The following RPS6KA1 variants were observed in gnomAD, a reference collection of about 807,000 sequenced individuals.
RPS6KA1 encodes the protein ribosomal protein S6 kinase A1.
RPS6KA1 carries 48 observed loss-of-function variants against 91.3 expected under a neutral mutation model. The observed-to-expected ratio is 0.53, with a 90% CI of 0.42 to 0.67. RPS6KA1 has a LOEUF of 0.67. RPS6KA1 is among the 30% of genes least tolerant of loss of function. The pLI is 0.00. For synonymous variants in RPS6KA1, 359 were observed against 384.7 expected, an observed-to-expected ratio of 0.93 and a Z score of 0.78; for missense variants, 719 against 960.5, an observed-to-expected ratio of 0.75 and a Z score of 3.32.
chr1:26,557,889 C>T (rs985831617), intron 13 of RPS6KA1, among the ~76,000 whole-genome samples: 7 of 150,248 alleles, frequency 4.7e-5, no homozygotes, highest in Non-Finnish European at 3.0e-5. Flanking sequence ...AATGCAATGG[C>T]GTGATCTCAG....
At position 26,542,885 on chromosome 1, in the gene RPS6KA1, G is replaced by A. The variant is rs568733400; in HGVS notation, c.109-3982G>A. Among the ~76,000 whole-genome samples the A allele has an allele frequency of 5.1e-4, 77 of 152,270 alleles. No homozygotes were observed. The Middle Eastern group carries it at 0.01, about 20-fold the overall frequency. ...ATGCCCACTGTGACACTGCGTTATC[G>A]CCTTGTGACTTTTGTCTCTGCTCTT... On this transcript the variant is annotated intron_variant, in intron 2 of 21. Transcript: ENST00000374168.
chr1:26,572,114 GCAGCCC>G, intron 19 of RPS6KA1, 56 bp from the exon 20 acceptor site: 1 of 1,442,758 alleles, frequency 6.9e-7, no homozygotes, highest in Non-Finnish European at 9.8e-7. Context: ...GTCTCCCACC[GCAGCCC>G]CAGCCCCAGT....
Position 26,551,772 on chromosome 1 carries a change from G to A in RPS6KA1, c.468+49G>A, listed in dbSNP as rs200804354. ...GGGCCCCGGGATGGAGCTGAGGGACGACAAGTCCTCCCATCCCAGGGCCCT... is the reference window on the plus strand; with the variant it reads ...GGGCCCCGGGATGGAGCTGAGGGACAACAAGTCCTCCCATCCCAGGGCCCT... On this transcript the variant is annotated intron_variant, in intron 6 of 21. Coordinates refer to ENST00000374168, the MANE Select transcript of RPS6KA1 (RefSeq NM_002953.4). The surrounding 1 kb of genome is among the most constrained non-coding windows in gnomAD (Gnocchi z 4.5). 27 of 1,492,404 alleles carry A rather than the reference G, an allele frequency of 1.8e-5. No homozygotes were observed. In the East Asian group the frequency reaches 4.7e-4, roughly 26 times the overall value. 92.4% of individuals were successfully genotyped at this position (1,492,404 alleles called of 1,614,324 possible). A position where few individuals can be genotyped will look rare whatever the true frequency, so the allele number is the denominator to read the frequency against.
At chr1:26,549,592 A>G (rs934264070) in intron 4 of RPS6KA1, among the ~76,000 whole-genome samples, 4 of 151,906 alleles carry the variant, frequency 2.6e-5, no homozygotes, top group Admixed American at 1.3e-4. Flanking sequence ...CAAAGGACAC[A>G]TGAGAGGTCT....
Position 26,554,190 on chromosome 1 carries a change from C to G in RPS6KA1, c.576-24C>G. The G allele has an allele frequency of 6.4e-7, 1 of 1,552,226 alleles. No homozygotes were observed. Among genetic ancestry groups the G allele is most frequent in the Non-Finnish European group, 8.7e-7 (1 of 1,147,300 alleles). ...CCCACACGGCCACAGCTGAGGGGCC[C>G]TGACCACTATTTCTCTATTACAGCA... On this transcript the variant is annotated intron_variant, in intron 7 of 21. Coordinates refer to ENST00000374168, the MANE Select transcript of RPS6KA1 (RefSeq NM_002953.4). This position sits in a 1 kb window ranked among gnomAD's most constrained non-coding sequence, Gnocchi z 4.6.
At position 26,561,399 on chromosome 1, in the gene RPS6KA1, C is replaced by A; in HGVS notation, c.1432-106C>A. On this transcript the variant is annotated intron_variant, in intron 16 of 21. Transcript: ENST00000374168. This position sits in a 1 kb window ranked among gnomAD's most constrained non-coding sequence, Gnocchi z 5.7. ...CAGGACCACTGAAGAGCAAGCAGAA[C>A]ACCTGCCCAAGGCTCATGTCATTCT... 1.4e-6 allele frequency: 2 copies of A among 1,436,448 alleles called. No homozygotes were observed. The highest frequency in any genetic ancestry group is 1.9e-6 in the Non-Finnish European group (2 of 1,033,112). The allele number at this position is 1,436,448 out of a possible 1,614,324, so 89.0% of individuals were successfully genotyped here.
intron 2 of RPS6KA1, among the ~76,000 whole-genome samples, chr1:26,544,482 GT>G (rs1374659960): frequency 4.0e-5 from 6 of 148,684 alleles, no homozygotes; most frequent in Admixed American, 1.3e-4. Context: ...TTGCCTGTTG[GT>G]TTTTTTTTTG....
chr1:26,546,079 T>C lies in RPS6KA1; in HGVS notation c.109-788T>C, dbSNP rs17162189. 9.1e-3 allele frequency: 14,541 copies of C among 1,592,232 alleles called. 1,160 individuals are homozygous for C. The African/African-American group carries it at 0.18, about 19-fold the overall frequency. ...CTGGTCCTGACCTGGCTGTGTCCCT[T>C]GCAGCAGGTGCCTGGGAAGCCAGCT... is the stretch of plus-strand genomic sequence containing the variant. On this transcript the variant is annotated intron_variant, in intron 2 of 21. Coordinates refer to ENST00000374168, the MANE Select transcript of RPS6KA1 (RefSeq NM_002953.4).
chr1:26,545,083 T>A (rs1228534939), intron 2 of RPS6KA1, among the ~76,000 whole-genome samples: 2 of 152,086 alleles, frequency 1.3e-5, no homozygotes, highest in Admixed American at 6.6e-5. Flanking sequence ...TGCCTCTGCC[T>A]GTTGGGTGCG....
chr1:26,558,923 C>T lies in RPS6KA1; in HGVS notation c.1201C>T (p.His401Tyr), dbSNP rs1160585138. Residue 401 changes from histidine to tyrosine, a missense_variant, in exon 14 of 22, where the codon CAC becomes TAC. Physicochemically the swap from His to Tyr is moderately conservative, Grantham distance 83. Coordinates refer to ENST00000374168, the MANE Select transcript of RPS6KA1 (RefSeq NM_002953.4). This position sits in a 1 kb window ranked among gnomAD's most constrained non-coding sequence, Gnocchi z 4.0. ...GKPRAPQAPL[H>Y]SVVQQLHGKN... ...GCCTCGTGCCCCGCAGGCACCCCTGCACTCGGTGGTACAGGTGAGGGGGGC... is the reference window on the plus strand; with the variant it reads ...GCCTCGTGCCCCGCAGGCACCCCTGTACTCGGTGGTACAGGTGAGGGGGGC... 6 of 1,612,966 alleles carry T rather than the reference C, an allele frequency of 3.7e-6. No individual in the cohort carries two copies. The highest frequency in any genetic ancestry group is 5.1e-6 in the Non-Finnish European group (6 of 1,179,214).
At chr1:26,564,715 G>A (rs1319030686) in intron 17 of RPS6KA1, among the ~76,000 whole-genome samples, 1 of 152,116 alleles carries the variant, frequency 6.6e-6, no homozygotes, top group African/African-American at 2.4e-5. Flanking sequence ...AATTTTTTAG[G>A]GGAAATTCTG....
At chr1:26,542,999 C>G (rs146285720) in intron 2 of RPS6KA1, 4 of 712,074 alleles carry the variant, frequency 5.6e-6, no homozygotes, top group Non-Finnish European at 9.1e-6. Context: ...GCAGTGTCCC[C>G]TCCTCTATAG....
At chr1:26,560,982 A>G in intron 15 of RPS6KA1, 63 bp from the exon 16 acceptor site, 2 of 1,594,700 alleles carry the variant, frequency 1.3e-6, no homozygotes, top group Non-Finnish European at 1.7e-6. Context: ...GGCCTGCTCC[A>G]TGGCCAGAAA....
intron 2 of RPS6KA1, among the ~76,000 whole-genome samples, chr1:26,541,941 A>C (rs927842428): frequency 2.0e-5 from 3 of 152,156 alleles, no homozygotes; most frequent in Non-Finnish European, 4.4e-5. Flanking sequence ...GTAAATAAAG[A>C]GGAAGTCCCT....
At chr1:26,549,740 C>T (rs2076030103) in intron 4 of RPS6KA1, among the ~76,000 whole-genome samples, 2 of 135,302 alleles carry the variant, frequency 1.5e-5, no homozygotes, top group Admixed American at 1.6e-4. Context: ...CTCACTCTAT[C>T]GCTCAGACTG....
chr1:26,568,315 C>T (rs897056847), intron 17 of RPS6KA1, among the ~76,000 whole-genome samples: 2 of 152,214 alleles, frequency 1.3e-5, no homozygotes, highest in African/African-American at 2.4e-5. Context: ...GGTCAGGTAT[C>T]AGAATCACCT....
chr1:26,536,397 A>AGGGGTCCCAGAGT (rs2124614467), intron 1 of RPS6KA1, among the ~76,000 whole-genome samples: 1 of 152,284 alleles, frequency 6.6e-6, no homozygotes, highest in East Asian at 1.9e-4. Flanking sequence ...AGGTCAGGGG[A>AGGGGTCCCAGAGT]GGGGTCCCAG....
Position 26,571,199 on chromosome 1 carries a change from G to A in RPS6KA1, c.1591-250G>A. ...GCCACAAGGTAAGATTATGTGATGA[G>A]TAGGTTTTAGGGGAGAATTGAGAGT... On this transcript the variant is annotated intron_variant, in intron 17 of 21. Coordinates refer to ENST00000374168, the MANE Select transcript of RPS6KA1 (RefSeq NM_002953.4). The surrounding 1 kb of genome is among the most constrained non-coding windows in gnomAD (Gnocchi z 5.1). 3 of 485,792 alleles carry A rather than the reference G, an allele frequency of 6.2e-6. No individual in the cohort carries two copies. The South Asian group carries it at 9.0e-5, about 15-fold the overall frequency. 30.1% of individuals were successfully genotyped at this position (485,792 alleles called of 1,614,324 possible).
chr1:26,556,280 G>A, intron 11 of RPS6KA1: 1 of 286,870 alleles, frequency 3.5e-6, no homozygotes, highest in Non-Finnish European at 6.7e-6. Context: ...CTGTCCTATG[G>A]TTGAAAAGGT....
Sources: allele counts gnomAD v4.1 joint callset (sites outside exome capture counted in the v4.1 genomes callset), GRCh38; gene constraint gnomAD v4.1.1; non-coding constraint Gnocchi (gnomAD v3.1); transcripts MANE v1.5; gene names NCBI Gene and HGNC (gene_info 2026-07-23, HGNC 2026-07-21).